The following MAGI2 variants were observed in gnomAD, a reference collection of about 807,000 sequenced individuals.
MAGI2 encodes the protein membrane associated guanylate kinase, WW and PDZ domain containing 2, also known as membrane-associated guanylate kinase, WW and PDZ domain-containing protein 2.
A neutral mutation model predicts 133.3 loss-of-function variants in MAGI2; 35 were observed. That is an observed-to-expected ratio of 0.26 (90% CI 0.20 to 0.35). MAGI2 has a LOEUF of 0.35. Ranked by LOEUF, MAGI2 falls within the 10% of genes least tolerant of loss-of-function variation. The pLI, the probability that MAGI2 is intolerant of heterozygous loss-of-function variation, is 1.00. For synonymous variants in MAGI2, 729 were observed against 710.6 expected (o/e 1.03, Z -0.41); for missense variants, 1,636 against 1,863.4 (o/e 0.88, Z 2.25).
intron 10 of MAGI2, among the ~76,000 whole-genome samples, chr7:78,216,660 T>C (rs1415350948): frequency 6.6e-6 from 1 of 152,212 alleles, no homozygotes; most frequent in East Asian, 1.9e-4. Flanking sequence ...GTTTCTCCTT[T>C]AGATCTTGGT....
chr7:78,183,570 G>A (rs1038247346), intron 13 of MAGI2, among the ~76,000 whole-genome samples: 19 of 151,314 alleles, frequency 1.3e-4, no homozygotes, highest in Non-Finnish European at 2.8e-4. Context: ...GGCCATTTTT[G>A]TATTTTTTAT....
chr7:78,655,307 G>T (rs1056357455), intron 2 of MAGI2, among the ~76,000 whole-genome samples: 2 of 151,612 alleles, frequency 1.3e-5, no homozygotes, highest in African/African-American at 4.8e-5. Context: ...ATCTACCTCA[G>T]CATGGAAGGG....
intron 1 of MAGI2, among the ~76,000 whole-genome samples, chr7:79,051,676 A>C (rs1169076321): frequency 2.0e-5 from 3 of 152,112 alleles, no homozygotes; most frequent in African/African-American, 4.8e-5. Flanking sequence ...TGAAACAACA[A>C]ATATGTTTCA....
At chr7:78,423,594 A>G (rs1199787657) in intron 6 of MAGI2, among the ~76,000 whole-genome samples, 1 of 152,162 alleles carries the variant, frequency 6.6e-6, no homozygotes, top group African/African-American at 2.4e-5. Context: ...AACGTGGGAA[A>G]GTTTGGAACT....
intron 6 of MAGI2, among the ~76,000 whole-genome samples, chr7:78,463,810 AT>A (rs2151518562): frequency 6.6e-6 from 1 of 152,206 alleles, no homozygotes; most frequent in Non-Finnish European, 1.5e-5. Context: ...TCAATGTTGG[AT>A]TTGTTGCATA....
At chr7:79,433,419 G>A (rs1289739938) in intron 1 of MAGI2, among the ~76,000 whole-genome samples, 1 of 152,084 alleles carries the variant, frequency 6.6e-6, no homozygotes, top group Non-Finnish European at 1.5e-5. Flanking sequence ...CGGGCGTGGT[G>A]GCAGGCGCCT....
At chr7:79,140,320 A>G (rs1258041095) in intron 1 of MAGI2, among the ~76,000 whole-genome samples, 5 of 152,190 alleles carry the variant, frequency 3.3e-5, no homozygotes, top group African/African-American at 1.2e-4. Context: ...TAATCTCTGC[A>G]TATCTATTTA....
At chr7:78,609,387 A>C (rs1216693137) in intron 3 of MAGI2, among the ~76,000 whole-genome samples, 1 of 152,218 alleles carries the variant, frequency 6.6e-6, no homozygotes, top group Non-Finnish European at 1.5e-5. Context: ...AACAGGAAAC[A>C]CACCAATCCC....
At chr7:79,304,637 G>A (rs1358450016) in intron 1 of MAGI2, among the ~76,000 whole-genome samples, 1 of 152,072 alleles carries the variant, frequency 6.6e-6, no homozygotes, top group Non-Finnish European at 1.5e-5. Flanking sequence ...GGTTTCTAAG[G>A]CTAAAAAGAA....
chr7:79,397,605 C>T (rs997724295), intron 1 of MAGI2, among the ~76,000 whole-genome samples: 3 of 152,076 alleles, frequency 2.0e-5, no homozygotes, highest in Non-Finnish European at 4.4e-5. Flanking sequence ...CATACTCTAA[C>T]CAGCTTTTAG....
intron 1 of MAGI2, among the ~76,000 whole-genome samples, chr7:79,368,331 T>A (rs1236098057): frequency 6.6e-6 from 1 of 152,066 alleles, no homozygotes; most frequent in Non-Finnish European, 1.5e-5. Flanking sequence ...AGGGTCTAAA[T>A]CAATTAGCCC....
chr7:78,973,917 G>A (rs560080663), intron 2 of MAGI2, among the ~76,000 whole-genome samples: 4 of 151,926 alleles, frequency 2.6e-5, no homozygotes, highest in Non-Finnish European at 4.4e-5. Context: ...CGCATCTGGA[G>A]TGTGTTGCTG....
At chr7:78,495,107 C>G (rs2885560) in intron 5 of MAGI2, among the ~76,000 whole-genome samples, 4 of 152,008 alleles carry the variant, frequency 2.6e-5, no homozygotes, top group African/African-American at 9.7e-5. Context: ...ATTGACTTTA[C>G]GTTTACAAAA....
chr7:78,788,058 T>C (rs547339021), intron 2 of MAGI2, among the ~76,000 whole-genome samples: 5 of 152,310 alleles, frequency 3.3e-5, no homozygotes, highest in African/African-American at 9.6e-5. Context: ...GGCACAGACA[T>C]GCCCTGACAG....
chr7:79,168,832 G>A (rs924777320), intron 1 of MAGI2, among the ~76,000 whole-genome samples: 4 of 147,270 alleles, frequency 2.7e-5, no homozygotes, highest in African/African-American at 7.6e-5. Context: ...TATTAGTGAC[G>A]TTCAGTTTGG....
intron 6 of MAGI2, among the ~76,000 whole-genome samples, chr7:78,468,720 T>C (rs1040912735): frequency 7.2e-5 from 11 of 152,096 alleles, no homozygotes; most frequent in African/African-American, 2.7e-4. Flanking sequence ...CAAACCACAA[T>C]TGGGAGGTTA....
intron 2 of MAGI2, among the ~76,000 whole-genome samples, chr7:78,914,809 A>G (rs1442884984): frequency 6.6e-6 from 1 of 152,142 alleles, no homozygotes; most frequent in African/African-American, 2.4e-5. Context: ...AACAATTGAC[A>G]TTTAAAGGAC....
At chr7:79,317,162 A>G (rs1838802548) in intron 1 of MAGI2, among the ~76,000 whole-genome samples, 1 of 151,570 alleles carries the variant, frequency 6.6e-6, no homozygotes, top group South Asian at 2.1e-4. Flanking sequence ...AGCTAGGATT[A>G]CAGGCATGTG....
At chr7:78,676,164 G>C (rs1257993452) in intron 2 of MAGI2, among the ~76,000 whole-genome samples, 2 of 152,078 alleles carry the variant, frequency 1.3e-5, no homozygotes, top group African/African-American at 4.8e-5. Flanking sequence ...AAAGAATGAG[G>C]TAATTTCTCT....
Sources: allele counts gnomAD v4.1 joint callset (sites outside exome capture counted in the v4.1 genomes callset), GRCh38; gene constraint gnomAD v4.1.1; transcripts MANE v1.5; gene names NCBI Gene and HGNC (gene_info 2026-07-23, HGNC 2026-07-21).